The following ZIM3 variants were observed in gnomAD, a reference collection of about 807,000 sequenced individuals.
The protein encoded by ZIM3 is zinc finger protein 657.
ZIM3 carries 11 observed loss-of-function variants against 12.9 expected under a neutral mutation model. That is an observed-to-expected ratio of 0.85 (90% CI 0.54 to 1.41). The LOEUF (loss-of-function observed/expected upper bound fraction) is 1.41, where lower values mean the gene tolerates loss of function less well. ZIM3 is among the 40% of genes most tolerant of loss of function. ZIM3 has a pLI of 0.00. For synonymous variants in ZIM3, 205 were observed against 198.5 expected (o/e 1.03, Z -0.28); for missense variants, 604 against 557.2 (o/e 1.08, Z -0.85).
In ZIM3 at chr19:57,138,038, GGAAGGAAGGAAGGAAA is replaced by G. The variant is rs1197178264; in HGVS notation, c.142+418_142+433del. On this transcript the variant is annotated intron_variant, in intron 3 of 4. Coordinates refer to ENST00000269834, the MANE Select transcript of ZIM3 (RefSeq NM_052882.1). ...AGGAAGGAAAGAAGGAAGGAAAGAA[GGAAGGAAGGAAGGAAA>G]GAAGGAAGGAAGGAAGGAAGGAAAG... 9.5e-3 allele frequency among the ~76,000 whole-genome samples: 621 copies of G among 65,672 alleles called. 136 individuals carry two copies. The highest frequency in any genetic ancestry group is 0.044 in the African/African-American group (584 of 13,262). 43.1% of individuals were successfully genotyped at this position (65,672 alleles called of 152,430 possible).
At chr19:57,143,267 C>A (rs1046390302) in intron 1 of ZIM3, among the ~76,000 whole-genome samples, 1 of 151,016 alleles carries the variant, frequency 6.6e-6, no homozygotes, top group Non-Finnish European at 1.5e-5. Flanking sequence ...GGAGGCGGAG[C>A]TTGCAGTGAG....
At position 57,135,942 on chromosome 19, in the gene ZIM3, T is replaced by C. The variant is rs776217114; in HGVS notation, c.395A>G (p.Asp132Gly). 1 of 1,614,184 alleles carries C rather than the reference T, an allele frequency of 6.2e-7. No individual in the cohort carries two copies. The highest frequency in any genetic ancestry group is 2.2e-5 in the East Asian group (1 of 44,878). Reference protein sequence around the residue: ...GSKKILPLGIDDVSSLQHYVQ... With the variant: ...GSKKILPLGIGDVSSLQHYVQ... ...ATAGTGTTGCAAGGAAGATACATCA[T>C]CTATGCCCAGTGGAAGTATTTTCTT... The change falls in exon 5 of 5, where the codon GAT becomes GGT. Residue 132 changes from aspartate to glycine, a missense_variant. Transcript: ENST00000269834.
chr19:57,134,741 C>G lies in ZIM3; in HGVS notation c.*177G>C. On this transcript the variant is annotated 3_prime_UTR_variant, in exon 5 of 5. Transcript: ENST00000269834. ...AAAAGGCATCTAATAAATATTTATACTTAATAAACATTTGCTGAGTGAGTA... is the reference window on the plus strand; with the variant it reads ...AAAAGGCATCTAATAAATATTTATAGTTAATAAACATTTGCTGAGTGAGTA... 9.8e-6 allele frequency: 6 copies of G among 613,260 alleles called. No individual in the cohort carries two copies. The highest frequency in any genetic ancestry group is 2.3e-5 in the South Asian group (1 of 42,564). The allele number at this position is 613,260 out of a possible 1,614,324, so 38.0% of individuals were successfully genotyped here.
rs80169448 is a variant in ZIM3 at position 57,144,705 on chromosome 19, A to G, written c.-43+154T>C. Among the ~76,000 whole-genome samples, 1,185 of 152,300 alleles carry G rather than the reference A, an allele frequency of 7.8e-3. 15 individuals are homozygous for G. Among genetic ancestry groups the G allele is most frequent in the African/African-American group, 0.028 (1,143 of 41,562 alleles). ...TGGGAGCATCACTTTTCAATATGACAACTAAAAAAAAAATCTAAACTACCA... is the reference window on the plus strand; with the variant it reads ...TGGGAGCATCACTTTTCAATATGACGACTAAAAAAAAAATCTAAACTACCA... On this transcript the variant is annotated intron_variant, in intron 1 of 4. Transcript: ENST00000269834.
In ZIM3 at chr19:57,137,125, G is replaced by A. The variant is rs986366597; in HGVS notation, c.143-154C>T. Among the ~76,000 whole-genome samples, 38 of 152,182 alleles carry A rather than the reference G, an allele frequency of 2.5e-4. 2 individuals are homozygous for A. The highest frequency in any genetic ancestry group is 6.5e-5 in the Admixed American group (1 of 15,278). On this transcript the variant is annotated intron_variant, in intron 3 of 4. Coordinates refer to ENST00000269834, the MANE Select transcript of ZIM3 (RefSeq NM_052882.1). ...GTCAGTGTGTGGGTATGTGCCATTG[G>A]TTGGGGGGAGTTGTGTGGATGGATG...
intron 2 of ZIM3, among the ~76,000 whole-genome samples, chr19:57,140,195 G>A (rs1027483650): frequency 6.6e-6 from 1 of 151,818 alleles, no homozygotes; most frequent in Admixed American, 6.6e-5. Flanking sequence ...GCGGGGAAGG[G>A]GACAGAGGCT....
rs369900994 is a variant in ZIM3 at position 57,136,870 on chromosome 19, T to A, written c.241+3A>T. On this transcript the variant is annotated splice_donor_region_variant and intron_variant, in intron 4 of 4. Coordinates refer to ENST00000269834, the MANE Select transcript of ZIM3 (RefSeq NM_052882.1). ...GACCCACAGTGCTCTCCTGGTCACC[T>A]ACCTGCACGGCCACTTCCCAGCACT... The A allele has an allele frequency of 1.3e-4, 213 of 1,613,860 alleles. No homozygotes were observed. Among genetic ancestry groups the A allele is most frequent in the Non-Finnish European group, 1.7e-4 (204 of 1,179,890 alleles).
intron 2 of ZIM3, among the ~76,000 whole-genome samples, chr19:57,141,881 C>A (rs1281758913): frequency 6.6e-6 from 1 of 151,968 alleles, no homozygotes; most frequent in East Asian, 1.9e-4. Flanking sequence ...AAACTCACCA[C>A]AACTGAAACT....
rs113213801 is a variant in ZIM3, at chr19:57,142,261, C to T, written c.15+368G>A. ...CAGGTTCAAGCGATTCTCCCACCTC[C>T]GCCTCCAGAGTAGCTGAGACTACAG... is the stretch of plus-strand genomic sequence containing the variant. On this transcript the variant is annotated intron_variant, in intron 2 of 4. Coordinates refer to ENST00000269834, the MANE Select transcript of ZIM3 (RefSeq NM_052882.1). Among the ~76,000 whole-genome samples, 1,432 of 151,740 alleles carry T rather than the reference C, an allele frequency of 9.4e-3. 22 individuals carry two copies. Among genetic ancestry groups the T allele is most frequent in the African/African-American group, 0.033 (1,381 of 41,358 alleles).
In ZIM3 at chr19:57,142,635, A is replaced by G; in HGVS notation, c.9T>C (p.Asn3=). Residue 3 remains asparagine, a synonymous_variant, in exon 2 of 5, where the codon AAT becomes AAC. Coordinates refer to ENST00000269834, the MANE Select transcript of ZIM3 (RefSeq NM_052882.1). ...ATTTTTTTGAAAAGCTCACCTGGGA[A>G]TTGTTCATTTCCTGTTCTTCACCAG... MN[N]SQGRVTFEDV... 1 of 1,613,726 alleles carries G rather than the reference A, an allele frequency of 6.2e-7. No homozygotes were observed. The highest frequency in any genetic ancestry group is 8.5e-7 in the Non-Finnish European group (1 of 1,179,728).
At chr19:57,144,320 G>T (rs895124515) in intron 1 of ZIM3, among the ~76,000 whole-genome samples, 1 of 151,992 alleles carries the variant, frequency 6.6e-6, no homozygotes, top group Non-Finnish European at 1.5e-5. Context: ...CAAATCCTGG[G>T]ATTACATGCA....
In ZIM3 at chr19:57,136,009, C is replaced by T. The variant is rs1375225235; in HGVS notation, c.328G>A (p.Glu110Lys). The change falls in exon 5 of 5, where the codon GAA (glutamate) becomes AAA (lysine). Residue 110 changes from glutamate to lysine, a missense_variant. Glu to Lys is a moderately conservative substitution (Grantham distance 56). Coordinates refer to ENST00000269834, the MANE Select transcript of ZIM3 (RefSeq NM_052882.1). ...ACACCTTTCTGCGTAGTCAGCGTTT[C>T]CTTATTGATTGATGGGACTTCTCTT... The part of the protein sequence containing the change: ...LAREVPSINK[E>K]TLTTQKGVEC... The T allele has an allele frequency of 1.9e-6, 3 of 1,614,026 alleles. No individual in the cohort carries two copies. Among genetic ancestry groups the T allele is most frequent in the Non-Finnish European group, 2.5e-6 (3 of 1,180,032 alleles).
chr19:57,138,070 G>A (rs866181311), intron 3 of ZIM3, among the ~76,000 whole-genome samples: 353 of 87,374 alleles, frequency 4.0e-3, no homozygotes, highest in Middle Eastern at 0.013. Context: ...AAGGAAGGAA[G>A]GAAGGAAAGA....
chr19:57,136,582 C>T lies in ZIM3; in HGVS notation c.241+291G>A, dbSNP rs1419151700. Among the ~76,000 whole-genome samples, 5 of 150,240 alleles carry T rather than the reference C, an allele frequency of 3.3e-5. 1 individual carries two copies. Among genetic ancestry groups the T allele is most frequent in the Admixed American group, 2.0e-4 (3 of 14,962 alleles). On this transcript the variant is annotated intron_variant, in intron 4 of 4. Transcript: ENST00000269834. ...GGGAGGCTGAGGCAGGAGAATCGTTCGAACTCGGGAGGCGGAGGTTGCAGT... is the reference window on the plus strand; with the variant it reads ...GGGAGGCTGAGGCAGGAGAATCGTTTGAACTCGGGAGGCGGAGGTTGCAGT...
Position 57,136,083 on chromosome 19 carries a change from TC to T in ZIM3, c.253del (p.Asp85ThrfsTer12), listed in dbSNP as rs746706016. ...LGSGRAEKNG[D>X]IGGQIWKPKD... The stretch of plus-strand genomic sequence containing the variant: ...TGGCTTCCAAATCTGCCCTCCAATG[TC>T]CCCATTTTTTTCTAAAATGGAATAC... On this transcript the variant is annotated frameshift_variant, in exon 5 of 5. Coordinates refer to ENST00000269834, the MANE Select transcript of ZIM3 (RefSeq NM_052882.1). LOFTEE classifies it low-confidence loss of function (END_TRUNC). 6.2e-7 allele frequency: 1 copy of T among 1,601,248 alleles called. No homozygotes were observed. The highest frequency in any genetic ancestry group is 8.5e-7 in the Non-Finnish European group (1 of 1,175,154).
chr19:57,135,083 G>T lies in ZIM3; in HGVS notation c.1254C>A (p.Thr418=). The stretch of plus-strand genomic sequence containing the variant: ...TTTTTCCACATTCACTACATCTATA[G>T]GTCCTCTCTCCGCTATGAGTTTTCT... ...SHQKTHSGER[T]YRCSECGKTF... is the part of the protein sequence containing the mutation. Residue 418 remains threonine, a synonymous_variant, in exon 5 of 5, where the codon ACC becomes ACA. Coordinates refer to ENST00000269834, the MANE Select transcript of ZIM3 (RefSeq NM_052882.1). 7 of 1,614,098 alleles carry T rather than the reference G, an allele frequency of 4.3e-6. No homozygotes were observed. Among genetic ancestry groups the T allele is most frequent in the Non-Finnish European group, 5.1e-6 (6 of 1,180,024 alleles).
Position 57,138,535 on chromosome 19 carries a change from G to A in ZIM3, c.79C>T (p.Pro27Ser), listed in dbSNP as rs750893569. The change falls in exon 3 of 5, where the codon CCC (proline) becomes TCC (serine). Residue 27 changes from proline (P) to serine (S), a missense_variant. Transcript: ENST00000269834. ...FTQGEWQRLN[P>S]EQRNLYRDVM... is the part of the protein sequence containing the mutation. ...TCCCTGTACAAGTTTCTCTGTTCGG[G>A]ATTCAGCCGCTGCCACTCCCCCTGG... is the stretch of plus-strand genomic sequence containing the variant. The A allele has an allele frequency of 1.2e-6, 2 of 1,614,054 alleles. No homozygotes were observed. The highest frequency in any genetic ancestry group is 2.2e-5 in the South Asian group (2 of 91,068).
rs1437855488 is a variant in ZIM3, at chr19:57,135,100, G to A, written c.1237C>T (p.His413Tyr). ...KSNLHSHQKT[H>Y]SGERTYRCSE... is the part of the protein sequence containing the mutation. ...CATCTATAGGTCCTCTCTCCGCTAT[G>A]AGTTTTCTGATGGCTATGAAGGTTT... Residue 413 changes from histidine to tyrosine, a missense_variant, in exon 5 of 5, where the codon CAT becomes TAT. Coordinates refer to ENST00000269834, the MANE Select transcript of ZIM3 (RefSeq NM_052882.1). 7 of 1,614,190 alleles carry A rather than the reference G, an allele frequency of 4.3e-6. No homozygotes were observed. The highest frequency in any genetic ancestry group is 1.6e-4 in the Middle Eastern group (1 of 6,062).
rs983659702 is a variant in ZIM3, at chr19:57,138,469, T to C, written c.142+3A>G. ...GTCCCCCTGCCCGGGAAGCCGTCCT[T>C]ACCCACAGAGACAAGGTTGCTGTAA... On this transcript the variant is annotated splice_donor_region_variant and intron_variant, in intron 3 of 4. Transcript: ENST00000269834. 4.3e-6 allele frequency: 7 copies of C among 1,614,026 alleles called. No individual in the cohort carries two copies. Among genetic ancestry groups the C allele is most frequent in the Non-Finnish European group, 5.1e-6 (6 of 1,180,022 alleles).
Sources: allele counts gnomAD v4.1 joint callset (sites outside exome capture counted in the v4.1 genomes callset), GRCh38; gene constraint gnomAD v4.1.1; transcripts MANE v1.5; gene names NCBI Gene and HGNC (gene_info 2026-07-23, HGNC 2026-07-21).